Variants in ASH1L observed in about 807,000 individuals in gnomAD.
ASH1L encodes histone-lysine N-methyltransferase ASH1L.
In ASH1L, 23 loss-of-function variants were observed where a neutral mutation model predicts 269.0. That is an observed-to-expected ratio of 0.09 (90% CI 0.06 to 0.12). The LOEUF (loss-of-function observed/expected upper bound fraction) is 0.12. Ranked by LOEUF, ASH1L falls within the 10% of genes least tolerant of loss-of-function variation. The pLI is 1.00. For missense variants in ASH1L, 2,912 were observed against 3,567.8 expected (o/e 0.82, Z 4.68); for synonymous variants, 1,187 against 1,253.5 (o/e 0.95, Z 1.12).
At chr1:155,413,249 T>C (rs530427704) in intron 6 of ASH1L, among the ~76,000 whole-genome samples, 20 of 152,078 alleles carry the variant, frequency 1.3e-4, no homozygotes, top group Non-Finnish European at 1.5e-4. Flanking sequence ...ATGGCTAAAG[T>C]GTGGCTATGC....
chr1:155,400,564 C>T (rs1658744590), intron 6 of ASH1L, among the ~76,000 whole-genome samples: 1 of 152,122 alleles, frequency 6.6e-6, no homozygotes, highest in Non-Finnish European at 1.5e-5. Context: ...CAATAACTTG[C>T]CCAAATTCAT....
intron 10 of ASH1L, among the ~76,000 whole-genome samples, chr1:155,372,902 A>G (rs1656092351): frequency 6.6e-6 from 1 of 152,108 alleles, no homozygotes; most frequent in Non-Finnish European, 1.5e-5. Context: ...AACCCATAGT[A>G]GTTAGGGAAT....
At chr1:155,378,477 G>T (rs1571046305) in intron 9 of ASH1L, 26 bp downstream of exon 9, 2 of 1,612,384 alleles carry the variant, frequency 1.2e-6, no homozygotes, top group Middle Eastern at 1.7e-4. Context: ...TATAGAGGCA[G>T]AAAAAATAGC....
At position 155,357,653 on chromosome 1, in the gene ASH1L, T is replaced by C. The variant is rs371347477; in HGVS notation, c.6892A>G (p.Met2298Val). ...GLTSSKNSQPMATHKKSGRSK... is the reference protein window; with the variant it reads ...GLTSSKNSQPVATHKKSGRSK... ...CGTCCAGATTTTTTGTGTGTGGCCA[T>C]GGGCTGGCTGTTTTTGCTGCTGGTG... The change falls in exon 14 of 28, where the codon ATG (methionine) becomes GTG (valine). Residue 2298 changes from methionine to valine, a missense_variant. Around this residue, in one of 13 missense-constraint regions of ASH1L, gnomAD observed 309 missense variants for 435.1 expected, o/e 0.71. Transcript: ENST00000392403. 6 of 1,614,084 alleles carry C rather than the reference T, an allele frequency of 3.7e-6. No homozygotes were observed. In the African/African-American group the frequency reaches 5.3e-5, roughly 14 times the overall value.
intron 15 of ASH1L, 109 bp from the exon 16 acceptor site, chr1:155,354,739 T>C: frequency 2.8e-6 from 3 of 1,061,194 alleles, no homozygotes; most frequent in Non-Finnish European, 1.3e-6. Flanking sequence ...ATTGAGCTGT[T>C]GTAAAGAGAA....
At chr1:155,516,495 C>A (rs951556141) in intron 2 of ASH1L, among the ~76,000 whole-genome samples, 3 of 152,258 alleles carry the variant, frequency 2.0e-5, no homozygotes, top group Admixed American at 2.0e-4. Flanking sequence ...ACAAAACCTA[C>A]ATGCCAAAAT....
At chr1:155,426,646 T>A (rs1363402657) in intron 5 of ASH1L, among the ~76,000 whole-genome samples, 1 of 152,242 alleles carries the variant, frequency 6.6e-6, no homozygotes, top group African/African-American at 2.4e-5. Context: ...ATCTTATGTC[T>A]TTCTGCAAAC....
At chr1:155,380,148 C>T (rs1266959255) in intron 7 of ASH1L, 32 bp from the exon 8 acceptor site, 2 of 1,532,174 alleles carry the variant, frequency 1.3e-6, no homozygotes, top group Admixed American at 1.7e-5. Flanking sequence ...ATTTCAATAC[C>T]TTTTCTAATA....
At chr1:155,487,305 T>A (rs555793955) in intron 2 of ASH1L, among the ~76,000 whole-genome samples, 2 of 152,164 alleles carry the variant, frequency 1.3e-5, no homozygotes, top group East Asian at 1.9e-4. Context: ...ATAAAAAAAA[T>A]TATTACTCAT....
chr1:155,423,853 C>T (rs987180959), intron 5 of ASH1L, among the ~76,000 whole-genome samples: 3 of 152,090 alleles, frequency 2.0e-5, no homozygotes, highest in Admixed American at 1.3e-4. Context: ...CCTCAGCCTC[C>T]GGAGTAGCTA....
At chr1:155,505,603 TTTA>T (rs145026499) in intron 2 of ASH1L, among the ~76,000 whole-genome samples, 1 of 152,308 alleles carries the variant, frequency 6.6e-6, no homozygotes, top group East Asian at 1.9e-4. Context: ...GATGAAAATG[TTTA>T]TTAAGATGAC....
intron 1 of ASH1L, among the ~76,000 whole-genome samples, chr1:155,557,553 T>G (rs891532557): frequency 6.6e-5 from 10 of 152,120 alleles, no homozygotes; most frequent in Non-Finnish European, 1.0e-4. Flanking sequence ...GTGCTGGGAT[T>G]ACAGGTGTGA....
chr1:155,352,652 A>AAAAAG, intron 17 of ASH1L, 54 bp downstream of exon 17: 3 of 1,518,700 alleles, frequency 2.0e-6, no homozygotes, highest in Non-Finnish European at 2.6e-6. Flanking sequence ...TTATTTAAAA[A>AAAAAG]AAAAAGAAAA....
At chr1:155,433,221 C>G in intron 5 of ASH1L, 1 of 1,549,662 alleles carries the variant, frequency 6.5e-7, no homozygotes, top group South Asian at 1.2e-5. Flanking sequence ...TTCTTGCCCC[C>G]TCCAGGCGGT....
At position 155,480,485 on chromosome 1, in the gene ASH1L, A is replaced by G. The variant is rs757950463; in HGVS notation, c.2385T>C (p.Asp795=). The G allele has an allele frequency of 2.5e-6, 4 of 1,614,036 alleles. No homozygotes were observed. Among genetic ancestry groups the G allele is most frequent in the South Asian group, 1.1e-5 (1 of 91,078 alleles). ...AAGACTTATGAGATGGTTTTTCACT[A>G]TCAGCTAAGAGAGCAAGAGATGGAG... ...STAPSLALLA[D]SEKPSHKSFA... Residue 795 remains aspartate (D), a synonymous_variant, in exon 3 of 28, where the codon GAT becomes GAC. Transcript: ENST00000392403.
intron 2 of ASH1L, among the ~76,000 whole-genome samples, chr1:155,504,627 T>G (rs111870694): frequency 0.049 from 7,443 of 152,068 alleles, 621 homozygotes; most frequent in African/African-American, 0.17. Context: ...GCCAAGGCAG[T>G]CGGATCACCT....
chr1:155,480,933 A>T lies in ASH1L; in HGVS notation c.1937T>A (p.Ile646Lys). 1 of 1,614,016 alleles carries T rather than the reference A, an allele frequency of 6.2e-7. No homozygotes were observed. The highest frequency in any genetic ancestry group is 8.5e-7 in the Non-Finnish European group (1 of 1,179,920). Residue 646 changes from isoleucine (I) to lysine (K), a missense_variant, in exon 3 of 28, where the codon ATA (isoleucine) becomes AAA (lysine). Physicochemically the swap from Ile to Lys is moderately radical, Grantham distance 102. Coordinates refer to ENST00000392403, the MANE Select transcript of ASH1L (RefSeq NM_018489.3). ...TGGCTTTTTTCCAAGGGAAGAGCTT[A>T]TTCTTGGAATATCTATATGGGTAGT... is the stretch of plus-strand genomic sequence containing the variant. ...SKTTHIDIPR[I>K]SSSLGKKPSL...
intron 2 of ASH1L, among the ~76,000 whole-genome samples, chr1:155,497,063 C>T (rs1179138540): frequency 6.6e-6 from 1 of 152,110 alleles, no homozygotes; most frequent in Non-Finnish European, 1.5e-5. Flanking sequence ...TTTCTAGTTA[C>T]TGTTCTTTTC....
chr1:155,499,788 G>C (rs1470978794), intron 2 of ASH1L, among the ~76,000 whole-genome samples: 1 of 152,082 alleles, frequency 6.6e-6, no homozygotes, highest in Non-Finnish European at 1.5e-5. Context: ...TGATATTTAG[G>C]CTTAATTCTC....
Sources: gnomAD v4.1 joint callset for allele counts (sites outside exome capture counted in the v4.1 genomes callset) on GRCh38, gnomAD v4.1.1 for gene constraint, gnomAD v4.1.1 regional missense constraint, MANE v1.5 for transcripts, NCBI Gene and HGNC (gene_info 2026-07-23, HGNC 2026-07-21) for gene names.